Variants in WFDC1 observed in about 807,000 individuals in gnomAD.
The protein encoded by WFDC1 is WAP four-disulfide core domain 1, also known as WAP four-disulfide core domain protein 1.
WFDC1 carries 39 observed loss-of-function variants against 32.9 expected under a neutral mutation model. The ratio of observed to expected loss-of-function variants is 1.19; its 90% CI spans 0.92 to 1.55. The LOEUF is 1.55. Ranked by LOEUF, WFDC1 falls within the 40% of genes most tolerant of loss-of-function variation. The probability of loss-of-function intolerance (pLI) is 0.00; values close to 1 mark genes in which losing one functional copy is unlikely to be tolerated. For synonymous variants in WFDC1, 184 were observed against 137.4 expected (o/e 1.34, Z -2.37); for missense variants, 386 against 309.5 (o/e 1.25, Z -1.85).
chr16:84,300,762 G>C lies in WFDC1; in HGVS notation c.144+5647G>C, dbSNP rs151051344. On this transcript the variant is annotated intron_variant, in intron 1 of 6. Transcript: ENST00000219454. ...AGGTGGGCGGATCACCCGAGGTCAG[G>C]AGTTCGAGACCAGCCTGGCCAACAT... Among the ~76,000 whole-genome samples the C allele has an allele frequency of 1.0e-3, 159 of 152,286 alleles. 3 individuals carry two copies. The East Asian group carries it at 0.027, about 26-fold the overall frequency.
intron 1 of WFDC1, among the ~76,000 whole-genome samples, chr16:84,299,073 G>A (rs115827786): frequency 0.011 from 1,745 of 152,170 alleles, 36 homozygotes; most frequent in African/African-American, 0.04. Context: ...ATTCCAGGCC[G>A]GGCACAGTGG....
chr16:84,306,678 C>T (rs555788394), intron 1 of WFDC1, among the ~76,000 whole-genome samples: 1 of 152,150 alleles, frequency 6.6e-6, no homozygotes, highest in Non-Finnish European at 1.5e-5. Context: ...TGCACAGGGC[C>T]CATGTGCAGA....
intron 1 of WFDC1, among the ~76,000 whole-genome samples, chr16:84,299,352 C>A (rs551041601): frequency 1.3e-5 from 2 of 150,694 alleles, no homozygotes; most frequent in South Asian, 2.1e-4. Context: ...GCAAGAAGAG[C>A]GCAACTCCAT....
chr16:84,321,204 A>G (rs1031459324), intron 4 of WFDC1, among the ~76,000 whole-genome samples: 7 of 152,216 alleles, frequency 4.6e-5, no homozygotes, highest in African/African-American at 1.7e-4. Flanking sequence ...TTTTCTGTAA[A>G]ATGGGTTCAT....
At chr16:84,328,904 G>A (rs1257384846) in intron 6 of WFDC1, 1 of 151,796 alleles carries the variant, frequency 6.6e-6, no homozygotes, top group East Asian at 1.9e-4. Flanking sequence ...AGTGAGCCAT[G>A]TTTGCACCAT....
intron 1 of WFDC1, among the ~76,000 whole-genome samples, chr16:84,304,967 T>G (rs1263407270): frequency 6.6e-6 from 1 of 152,212 alleles, no homozygotes; most frequent in Non-Finnish European, 1.5e-5. Context: ...CAACTCCCAG[T>G]TCCAGGCTCC....
chr16:84,313,090 C>A lies in WFDC1; in HGVS notation c.274C>A (p.His92Asn). 7.0e-7 allele frequency: 1 copy of A among 1,429,804 alleles called. No homozygotes were observed. The highest frequency in any genetic ancestry group is 1.4e-5 in the South Asian group (1 of 69,310). The allele number at this position is 1,429,804 out of a possible 1,614,324, so 88.6% of individuals were successfully genotyped here. A position where few individuals can be genotyped will look rare whatever the true frequency, so the allele number is the denominator to read the frequency against. ...RCQADSECPR[H>N]RRCCYNGCAY... ...TCAGGCGGACTCCGAGTGCCCGCGG[C>A]ACCGGCGCTGCTGCTACAACGGATG... The change falls in exon 2 of 7, where the codon CAC (histidine) becomes AAC (asparagine). Residue 92 changes from histidine to asparagine, a missense_variant. Physicochemically the swap from His to Asn is moderately conservative, Grantham distance 68 (BLOSUM62 1). Coordinates refer to ENST00000219454, the MANE Select transcript of WFDC1 (RefSeq NM_021197.4).
chr16:84,322,154 T>TGTGCGG (rs764561656), intron 4 of WFDC1, among the ~76,000 whole-genome samples: 1 of 99,542 alleles, frequency 1.0e-5, no homozygotes, highest in Non-Finnish European at 2.1e-5. Flanking sequence ...CCTGTGTGTG[T>TGTGCGG]GTGTGCGTGT....
At chr16:84,318,411 G>T in intron 3 of WFDC1, 56 bp downstream of exon 3, 3 of 1,568,224 alleles carry the variant, frequency 1.9e-6, no homozygotes, top group Non-Finnish European at 2.6e-6. Context: ...CTCCTTCTCA[G>T]CTGCTTCCAG....
At chr16:84,305,831 A>G (rs903831440) in intron 1 of WFDC1, among the ~76,000 whole-genome samples, 3 of 151,302 alleles carry the variant, frequency 2.0e-5, no homozygotes, top group African/African-American at 7.3e-5. Context: ...GCAAAACCCC[A>G]TCTCTACTAA....
At chr16:84,300,202 G>T (rs1040210257) in intron 1 of WFDC1, among the ~76,000 whole-genome samples, 1 of 152,244 alleles carries the variant, frequency 6.6e-6, no homozygotes, top group Non-Finnish European at 1.5e-5. Flanking sequence ...GGCTGCAGGA[G>T]CCTGCTCAGC....
In WFDC1 at chr16:84,326,913, A is replaced by G; in HGVS notation, c.636A>G (p.Gly212=). ...EGDSKNVAEP[G]RGQQKHFQ is the part of the protein sequence containing the mutation. Reference sequence around the variant, plus strand: ...ACTCAAAGAATGTGGCAGAACCTGGAAGGGGACAACAGAAGCACTTTCAGT... The same window carrying G: ...ACTCAAAGAATGTGGCAGAACCTGGGAGGGGACAACAGAAGCACTTTCAGT... The change falls in exon 6 of 7, where the codon GGA becomes GGG. Residue 212 remains glycine (G), a synonymous_variant. Transcript: ENST00000219454. The G allele has an allele frequency of 6.2e-7, 1 of 1,614,064 alleles. No homozygotes were observed. The highest frequency in any genetic ancestry group is 8.5e-7 in the Non-Finnish European group (1 of 1,180,018).
chr16:84,321,743 T>C (rs756072733), intron 4 of WFDC1, among the ~76,000 whole-genome samples: 1 of 152,204 alleles, frequency 6.6e-6, no homozygotes, highest in African/African-American at 2.4e-5. Context: ...AAATTAAGCT[T>C]TGCTGCAAGC....
intron 5 of WFDC1, among the ~76,000 whole-genome samples, chr16:84,325,356 C>T (rs36043091): frequency 0.14 from 20,872 of 152,154 alleles, 2,101 homozygotes; most frequent in East Asian, 0.53. Context: ...GTGTCCGCCA[C>T]CATACCTGGA....
intron 1 of WFDC1, among the ~76,000 whole-genome samples, chr16:84,300,598 C>T (rs914925701): frequency 1.3e-5 from 2 of 152,194 alleles, no homozygotes; most frequent in Non-Finnish European, 1.5e-5. Flanking sequence ...AGGTTCATTA[C>T]AGGTGTAATT....
intron 1 of WFDC1, among the ~76,000 whole-genome samples, chr16:84,304,417 C>T (rs914748367): frequency 1.3e-5 from 2 of 152,080 alleles, no homozygotes; most frequent in African/African-American, 4.8e-5. Context: ...TTAGTAGAGA[C>T]GGGTTTCACC....
chr16:84,315,334 A>G (rs1336857899), intron 2 of WFDC1, among the ~76,000 whole-genome samples: 1 of 152,188 alleles, frequency 6.6e-6, no homozygotes, highest in Non-Finnish European at 1.5e-5. Context: ...GTAATCTGGA[A>G]GACTGTGTTT....
chr16:84,302,775 C>T (rs1332806275), intron 1 of WFDC1, among the ~76,000 whole-genome samples: 2 of 152,156 alleles, frequency 1.3e-5, no homozygotes, highest in Non-Finnish European at 2.9e-5. Flanking sequence ...CTGAAACAGC[C>T]ACGTGAAGTC....
chr16:84,307,922 G>C (rs1324618247), intron 1 of WFDC1, among the ~76,000 whole-genome samples: 2 of 152,134 alleles, frequency 1.3e-5, no homozygotes, highest in Non-Finnish European at 2.9e-5. Context: ...ATTGGGCGGA[G>C]AAAGGGGTGA....
Sources: allele counts gnomAD v4.1 joint callset (sites outside exome capture counted in the v4.1 genomes callset), GRCh38; gene constraint gnomAD v4.1.1; transcripts MANE v1.5; gene names NCBI Gene and HGNC (gene_info 2026-07-23, HGNC 2026-07-21).